The following ATP8B4 variants were observed in gnomAD, a reference collection of about 807,000 sequenced individuals.
The protein encoded by ATP8B4 is probable phospholipid-transporting ATPase IM.
A neutral mutation model predicts 145.6 loss-of-function variants in ATP8B4; 133 were observed. That is an observed-to-expected ratio of 0.91 (90% CI 0.79 to 1.05). The LOEUF is 1.05. ATP8B4 is among the 50% of genes least tolerant of loss of function. The probability of loss-of-function intolerance (pLI) is 0.00; values close to 1 mark genes in which losing one functional copy is unlikely to be tolerated. For synonymous variants in ATP8B4, 507 were observed against 492.9 expected (o/e 1.03, Z -0.38); for missense variants, 1,458 against 1,425.2 (o/e 1.02, Z -0.37).
chr15:50,015,989 A>G (rs1263950941), intron 6 of ATP8B4, among the ~76,000 whole-genome samples: 1 of 152,212 alleles, frequency 6.6e-6, no homozygotes, highest in Non-Finnish European at 1.5e-5. Context: ...GTGCTATAGC[A>G]TGGAGAATTT....
chr15:50,158,900 A>C (rs999117916), intron 1 of ATP8B4, among the ~76,000 whole-genome samples: 2 of 152,196 alleles, frequency 1.3e-5, no homozygotes, highest in African/African-American at 2.4e-5. Flanking sequence ...CAGATGCTTG[A>C]AGGCAGCATG....
Position 49,876,693 on chromosome 15 carries a change from G to A in ATP8B4, c.2782-170C>T, listed in dbSNP as rs962844669. 3.1e-6 allele frequency: 3 copies of A among 963,240 alleles called. No homozygotes were observed. In the Admixed American group the frequency reaches 6.0e-5, roughly 19 times the overall value. The allele number at this position is 963,240 out of a possible 1,614,324, so 59.7% of individuals were successfully genotyped here. A position where few individuals can be genotyped will look rare whatever the true frequency, so the allele number is the denominator to read the frequency against. On this transcript the variant is annotated intron_variant, in intron 24 of 27. Coordinates refer to ENST00000284509, the MANE Select transcript of ATP8B4 (RefSeq NM_024837.4). The stretch of plus-strand genomic sequence containing the variant: ...TTTGTATTCCCACAATAAACCAGAA[G>A]ATAATAAAATGATCTCTACTTTACA...
At chr15:50,080,763 G>T (rs1249990981) in intron 2 of ATP8B4, among the ~76,000 whole-genome samples, 1 of 151,992 alleles carries the variant, frequency 6.6e-6, no homozygotes, top group Non-Finnish European at 1.5e-5. Context: ...TTCAATTAAG[G>T]TGTTGTTCCC....
At chr15:49,882,772 G>T (rs1598892255) in intron 23 of ATP8B4, among the ~76,000 whole-genome samples, 1 of 152,182 alleles carries the variant, frequency 6.6e-6, no homozygotes, top group Non-Finnish European at 1.5e-5. Context: ...CACCTCTAGA[G>T]GATTGGAAAG....
intron 7 of ATP8B4, among the ~76,000 whole-genome samples, chr15:50,004,901 C>T (rs768881676): frequency 6.6e-6 from 1 of 152,044 alleles, no homozygotes; most frequent in Admixed American, 6.6e-5. Flanking sequence ...TAACAAAGTG[C>T]TATGAAAGGA....
At chr15:49,948,281 C>CAAAAA (rs35575312) in intron 14 of ATP8B4, among the ~76,000 whole-genome samples, 6,503 of 112,010 alleles carry the variant, frequency 0.058, 431 homozygotes, top group African/African-American at 0.18. Context: ...ACTAAAAATA[C>CAAAAA]AAAAAAAAAA....
At chr15:49,987,690 T>C in intron 9 of ATP8B4, 141 bp from the exon 10 acceptor site, 1 of 854,636 alleles carries the variant, frequency 1.2e-6, no homozygotes, top group South Asian at 2.5e-5. Flanking sequence ...TAGAAAAAAA[T>C]AAGCTGGGAG....
chr15:50,044,651 A>C lies in ATP8B4; in HGVS notation c.243T>G (p.Ile81Met). 1 of 1,613,650 alleles carries C rather than the reference A, an allele frequency of 6.2e-7. No individual in the cohort carries two copies. ...EISSLTWFTT[I>M]VPLVLVITMT... ...TAGTTATCACCAGGACCAAAGGCAC[A>C]ATGGTGGTAAACCAGGTCAAGGAGG... is the stretch of plus-strand genomic sequence containing the variant. The change falls in exon 5 of 28, where the codon ATT (isoleucine) becomes ATG (methionine). Residue 81 changes from isoleucine (I) to methionine (M), a missense_variant. Coordinates refer to ENST00000284509, the MANE Select transcript of ATP8B4 (RefSeq NM_024837.4).
chr15:50,010,992 T>C (rs888422581), intron 6 of ATP8B4, 75 bp from the exon 7 acceptor site: 3 of 1,022,990 alleles, frequency 2.9e-6, no homozygotes, highest in Non-Finnish European at 4.2e-6. Flanking sequence ...GTATTCACAA[T>C]GTAGCATCAT....
intron 21 of ATP8B4, among the ~76,000 whole-genome samples, chr15:49,900,087 G>A (rs1235684160): frequency 6.6e-6 from 1 of 152,216 alleles, no homozygotes; most frequent in Non-Finnish European, 1.5e-5. Context: ...TTAAGACCCA[G>A]ATGACAGTCG....
intron 10 of ATP8B4, among the ~76,000 whole-genome samples, chr15:49,984,583 G>A (rs1294233574): frequency 6.6e-6 from 1 of 152,126 alleles, no homozygotes. Context: ...GCCTTCTGTT[G>A]ATAGATCTGG....
At chr15:50,040,243 G>A (rs1210598469) in intron 5 of ATP8B4, among the ~76,000 whole-genome samples, 1 of 152,208 alleles carries the variant, frequency 6.6e-6, no homozygotes, top group Non-Finnish European at 1.5e-5. Flanking sequence ...TTATCCCCTG[G>A]CTTTCTTCTA....
intron 1 of ATP8B4, among the ~76,000 whole-genome samples, chr15:50,134,670 G>C (rs1400698633): frequency 6.6e-6 from 1 of 152,208 alleles, no homozygotes; most frequent in Non-Finnish European, 1.5e-5. Flanking sequence ...GCCTAAGGCA[G>C]TGTCAACAAG....
At chr15:49,971,160 T>C (rs1488475156) in intron 13 of ATP8B4, among the ~76,000 whole-genome samples, 1 of 151,996 alleles carries the variant, frequency 6.6e-6, no homozygotes, top group Non-Finnish European at 1.5e-5. Context: ...CCTAAAACCA[T>C]AAAAACCTAG....
At chr15:49,997,714 C>T (rs901848209) in intron 8 of ATP8B4, among the ~76,000 whole-genome samples, 2 of 152,070 alleles carry the variant, frequency 1.3e-5, no homozygotes, top group Non-Finnish European at 2.9e-5. Flanking sequence ...CCTAAGAAGG[C>T]ATCCAATCTT....
chr15:49,891,870 T>C (rs1446805311), intron 23 of ATP8B4, among the ~76,000 whole-genome samples: 2 of 152,070 alleles, frequency 1.3e-5, no homozygotes, highest in Non-Finnish European at 1.5e-5. Flanking sequence ...AATCCCAGCA[T>C]TTTGAGGGGT....
intron 20 of ATP8B4, among the ~76,000 whole-genome samples, chr15:49,903,249 G>A (rs1341595351): frequency 6.6e-6 from 1 of 152,126 alleles, no homozygotes; most frequent in African/African-American, 2.4e-5. Flanking sequence ...CGATTTATTA[G>A]GAAGGGAAAA....
In ATP8B4 at chr15:49,919,584, ATT is replaced by A. The variant is rs2040068163; in HGVS notation, c.1924-636_1924-635del. Among the ~76,000 whole-genome samples, 3 of 151,942 alleles carry A rather than the reference ATT, an allele frequency of 2.0e-5. No homozygotes were observed. The South Asian group carries it at 6.2e-4, about 32-fold the overall frequency. On this transcript the variant is annotated intron_variant, in intron 18 of 27. Coordinates refer to ENST00000284509, the MANE Select transcript of ATP8B4 (RefSeq NM_024837.4). Reference sequence around the variant, plus strand: ...AGGCGCCCGCCACCGCACCCGGCTAATTTTTTGTAATTTTAGTAGAGACGGGG... The same window carrying A: ...AGGCGCCCGCCACCGCACCCGGCTAATTTTGTAATTTTAGTAGAGACGGGG...
At chr15:49,921,409 C>A (rs946423822) in intron 17 of ATP8B4, among the ~76,000 whole-genome samples, 5 of 152,162 alleles carry the variant, frequency 3.3e-5, no homozygotes, top group African/African-American at 1.2e-4. Context: ...ACCTTTGGTG[C>A]TTTATCCTAA....
Sources: gnomAD v4.1 joint callset for allele counts (sites outside exome capture counted in the v4.1 genomes callset) on GRCh38, gnomAD v4.1.1 for gene constraint, MANE v1.5 for transcripts, NCBI Gene and HGNC (gene_info 2026-07-23, HGNC 2026-07-21) for gene names.